DHRSX: variants seen among roughly 807,000 people sequenced by gnomAD.
DHRSX encodes the protein dehydrogenase/reductase X-linked.
Under a neutral mutation model 34.0 loss-of-function variants are expected in DHRSX, and 31 were observed. The observed-to-expected ratio is 0.91, with a 90% CI of 0.69 to 1.23. The LOEUF is 1.23. Ranked by LOEUF, DHRSX falls within the 50% of genes most tolerant of loss-of-function variation. DHRSX has a pLI of 0.00. For synonymous variants in DHRSX, 201 were observed against 183.8 expected, an observed-to-expected ratio of 1.09 and a Z score of -0.76; for missense variants, 414 against 428.1, an observed-to-expected ratio of 0.97 and a Z score of 0.29.
chrX:2,432,562 T>C (rs929970572), intron 1 of DHRSX, among the ~76,000 whole-genome samples: 2 of 152,230 alleles, frequency 1.3e-5, no homozygotes, highest in East Asian at 1.9e-4. Flanking sequence ...GCCAACTGCA[T>C]GTGGAAATTG....
At chrX:2,367,668 G>A (rs1239708595) in intron 3 of DHRSX, among the ~76,000 whole-genome samples, 3 of 152,014 alleles carry the variant, frequency 2.0e-5, no homozygotes, top group East Asian at 1.9e-4. Flanking sequence ...TTGGAGAGGC[G>A]TACCCAAGAG....
At chrX:2,353,351 C>A (rs1264404544) in intron 3 of DHRSX, among the ~76,000 whole-genome samples, 1 of 152,112 alleles carries the variant, frequency 6.6e-6, no homozygotes, top group East Asian at 1.9e-4. Flanking sequence ...AACTCAGGTG[C>A]TGTCCTCATT....
At chrX:2,408,668 C>T (rs1264145841) in intron 3 of DHRSX, 77 bp downstream of exon 3, 2 of 1,310,762 alleles carry the variant, frequency 1.5e-6, no homozygotes, top group Non-Finnish European at 2.1e-6. Flanking sequence ...GACTGAAGCT[C>T]AGCCATGAAC....
At chrX:2,456,283 A>G (rs2044295045) in intron 1 of DHRSX, among the ~76,000 whole-genome samples, 1 of 152,132 alleles carries the variant, frequency 6.6e-6, no homozygotes, top group Non-Finnish European at 1.5e-5. Context: ...ACAGGTAGAA[A>G]CAGTTTATCT....
At chrX:2,443,053 G>T (rs1464577410) in intron 1 of DHRSX, among the ~76,000 whole-genome samples, 1 of 152,086 alleles carries the variant, frequency 6.6e-6, no homozygotes, top group Non-Finnish European at 1.5e-5. Flanking sequence ...GTTTCGTAGA[G>T]ACAGGGTCTG....
chrX:2,353,083 A>G (rs1457504488), intron 3 of DHRSX, among the ~76,000 whole-genome samples: 1 of 152,176 alleles, frequency 6.6e-6, no homozygotes, highest in Non-Finnish European at 1.5e-5. Flanking sequence ...CTTTACAAAA[A>G]AAAATACAAA....
At chrX:2,321,583 C>A (rs1490048359) in intron 3 of DHRSX, among the ~76,000 whole-genome samples, 1 of 151,920 alleles carries the variant, frequency 6.6e-6, no homozygotes, top group Non-Finnish European at 1.5e-5. Flanking sequence ...GCTCCACCCC[C>A]CTCTCTCTCT....
At chrX:2,314,235 GA>G in intron 3 of DHRSX, among the ~76,000 whole-genome samples, 1 of 23,992 alleles carries the variant, frequency 4.2e-5, no homozygotes, top group Non-Finnish European at 9.7e-5. Flanking sequence ...GGAAGGGAGG[GA>G]GGGAAGGAAG....
intron 5 of DHRSX, among the ~76,000 whole-genome samples, chrX:2,259,748 G>A (rs1183685569): frequency 3.9e-5 from 6 of 151,934 alleles, no homozygotes; most frequent in Middle Eastern, 3.2e-3. Context: ...GGGAGTCCCT[G>A]ACCCCGTGGT....
At chrX:2,389,162 A>G (rs1048975483) in intron 3 of DHRSX, among the ~76,000 whole-genome samples, 4 of 152,146 alleles carry the variant, frequency 2.6e-5, no homozygotes, top group African/African-American at 9.7e-5. Flanking sequence ...CTGCCATGAG[A>G]ATCAGCTCTA....
intron 3 of DHRSX, among the ~76,000 whole-genome samples, chrX:2,324,996 G>C (rs1306505159): frequency 1.3e-5 from 2 of 148,322 alleles, no homozygotes; most frequent in African/African-American, 5.0e-5. Context: ...GGCTCGTCTC[G>C]AACCCCTGAC....
At chrX:2,241,793 A>G (rs1265406829) in intron 6 of DHRSX, among the ~76,000 whole-genome samples, 1 of 152,026 alleles carries the variant, frequency 6.6e-6, no homozygotes, top group African/African-American at 2.4e-5. Context: ...CTGTAATCCC[A>G]GCTACTCGGG....
At position 2,291,500 on chromosome X, in the gene DHRSX, A is replaced by G. The variant is rs778071503; in HGVS notation, c.388+2T>C. On this transcript the variant is annotated splice_donor_variant, in intron 4 of 6. Coordinates refer to ENST00000334651, the MANE Select transcript of DHRSX (RefSeq NM_145177.3). LOFTEE classifies it high-confidence loss of function. ...GCTTGCTGCAATTTCACCAGGACTCACCATTGTTGATCAGGACATGGAGAG... is the reference window on the plus strand; with the variant it reads ...GCTTGCTGCAATTTCACCAGGACTCGCCATTGTTGATCAGGACATGGAGAG... 1.2e-6 allele frequency: 2 copies of G among 1,611,900 alleles called. No homozygotes were observed. The highest frequency in any genetic ancestry group is 3.3e-5 in the Admixed American group (2 of 59,980).
chrX:2,254,186 C>T (rs1284721192), intron 5 of DHRSX, among the ~76,000 whole-genome samples: 2 of 152,288 alleles, frequency 1.3e-5, no homozygotes, highest in Admixed American at 6.5e-5. Context: ...TATGGATCAA[C>T]AGGCAGTTTT....
chrX:2,340,995 C>A (rs2042633886), intron 3 of DHRSX, among the ~76,000 whole-genome samples: 1 of 152,082 alleles, frequency 6.6e-6, no homozygotes, highest in African/African-American at 2.4e-5. Context: ...CCAGGTTAGC[C>A]TCCTGGGAAA....
chrX:2,489,944 C>T lies in DHRSX; in HGVS notation c.109+10873G>A, dbSNP rs757133391. On this transcript the variant is annotated intron_variant, in intron 1 of 6. Coordinates refer to ENST00000334651, the MANE Select transcript of DHRSX (RefSeq NM_145177.3). ...GGCCCCGAAGACCTTGGCGCTGATG[C>T]CCCACTCGATGAAGACCTCATAGAG... 3.8e-5 allele frequency: 62 copies of T among 1,613,758 alleles called. 2 individuals carry two copies. The South Asian group carries it at 5.8e-4, about 15-fold the overall frequency.
At chrX:2,469,720 G>A (rs980300847) in intron 1 of DHRSX, among the ~76,000 whole-genome samples, 21 of 151,654 alleles carry the variant, frequency 1.4e-4, no homozygotes, top group African/African-American at 4.4e-4. Context: ...ACCCACTGAA[G>A]ATGTTCCCTA....
chrX:2,342,610 C>T (rs2042654757), intron 3 of DHRSX, among the ~76,000 whole-genome samples: 1 of 152,124 alleles, frequency 6.6e-6, no homozygotes, highest in Non-Finnish European at 1.5e-5. Context: ...AGAACTCTCC[C>T]GAGGTCTCCC....
At chrX:2,271,572 G>A (rs1479191116) in intron 4 of DHRSX, among the ~76,000 whole-genome samples, 1 of 152,142 alleles carries the variant, frequency 6.6e-6, no homozygotes, top group Non-Finnish European at 1.5e-5. Flanking sequence ...CTGAGCTTAT[G>A]CCTGTAAAAC....
Sources: allele counts gnomAD v4.1 joint callset (sites outside exome capture counted in the v4.1 genomes callset), GRCh38; gene constraint gnomAD v4.1.1; transcripts MANE v1.5; gene names NCBI Gene and HGNC (gene_info 2026-07-23, HGNC 2026-07-21).